The following SEC14L1 variants were observed in gnomAD, a reference collection of about 807,000 sequenced individuals.
SEC14L1 encodes the protein SEC14-like protein 1.
Under a neutral mutation model 85.3 loss-of-function variants are expected in SEC14L1, and 48 were observed. The observed-to-expected ratio is 0.56, with a 90% CI of 0.45 to 0.72. SEC14L1 has a LOEUF of 0.72. SEC14L1 is among the 30% of genes least tolerant of loss of function. The pLI is 0.00. For synonymous variants in SEC14L1, 391 were observed against 355.5 expected, an observed-to-expected ratio of 1.10 and a Z score of -1.12; for missense variants, 682 against 921.4, an observed-to-expected ratio of 0.74 and a Z score of 3.36.
intron 1 of SEC14L1, 188 bp downstream of exon 1, chr17:77,141,295 C>T (rs1358850008): frequency 2.2e-5 from 3 of 137,486 alleles, no homozygotes; most frequent in Middle Eastern, 3.5e-3. Context: ...CCCTGCTCGC[C>T]CTCCGCCCCC....
chr17:77,176,030 C>T (rs921890299), intron 3 of SEC14L1, among the ~76,000 whole-genome samples: 2 of 152,036 alleles, frequency 1.3e-5, no homozygotes, highest in African/African-American at 4.8e-5. Flanking sequence ...TGGCTCATGC[C>T]TGTAATCCCA....
At chr17:77,105,740 T>C (rs1971901186) in intron 3 of SEC14L1, among the ~76,000 whole-genome samples, 1 of 152,178 alleles carries the variant, frequency 6.6e-6, no homozygotes, top group Admixed American at 6.6e-5. Flanking sequence ...GATCTGGGGC[T>C]TGTATACCAT....
At chr17:77,171,104 G>A (rs1370551427) in intron 3 of SEC14L1, among the ~76,000 whole-genome samples, 4 of 151,598 alleles carry the variant, frequency 2.6e-5, no homozygotes, top group Non-Finnish European at 5.9e-5. Context: ...CATCTTATTT[G>A]TTGATTTATT....
intron 3 of SEC14L1, among the ~76,000 whole-genome samples, chr17:77,188,556 A>G (rs1188532141): frequency 6.6e-6 from 1 of 152,004 alleles, no homozygotes; most frequent in African/African-American, 2.4e-5. Flanking sequence ...CAGGAAGGAC[A>G]TCTCGGAGTT....
intron 3 of SEC14L1, among the ~76,000 whole-genome samples, chr17:77,145,973 G>T (rs1313532376): frequency 6.6e-6 from 1 of 152,232 alleles, no homozygotes; most frequent in African/African-American, 2.4e-5. Context: ...CAACTCTGTG[G>T]CATTTCTTGT....
chr17:77,214,550 C>T lies in SEC14L1; in HGVS notation c.*527C>T. The T allele has an allele frequency of 1.0e-6, 1 of 991,452 alleles. No individual in the cohort carries two copies. The allele number at this position is 991,452 out of a possible 1,614,324, so 61.4% of individuals were successfully genotyped here. On this transcript the variant is annotated 3_prime_UTR_variant, in exon 17 of 17. Transcript: ENST00000436233. ...TAGGGCCAGCCCTTGAGGTCCTTAT[C>T]CTCTGAGGATTCAGAGGTTGCCTGC... is the stretch of plus-strand genomic sequence containing the variant.
intron 3 of SEC14L1, among the ~76,000 whole-genome samples, chr17:77,169,020 T>C (rs1974413600): frequency 7.2e-6 from 1 of 139,402 alleles, no homozygotes; most frequent in Non-Finnish European, 1.5e-5. Context: ...TTTTTTTTTT[T>C]TTTTTTTTTT....
intron 3 of SEC14L1, among the ~76,000 whole-genome samples, chr17:77,121,358 T>C (rs1972291236): frequency 6.6e-6 from 1 of 152,298 alleles, no homozygotes; most frequent in East Asian, 1.9e-4. Flanking sequence ...GGCCATATCA[T>C]GTGCACTATC....
chr17:77,121,329 A>G (rs1362409866), intron 3 of SEC14L1, among the ~76,000 whole-genome samples: 1 of 152,200 alleles, frequency 6.6e-6, no homozygotes, highest in Non-Finnish European at 1.5e-5. Context: ...TATTTTGAAT[A>G]ATGGCCACTA....
At chr17:77,211,808 A>C in intron 14 of SEC14L1, 142 bp from the exon 15 acceptor site, 2 of 1,033,010 alleles carry the variant, frequency 1.9e-6, no homozygotes, top group Non-Finnish European at 2.8e-6. Context: ...CTCTGGGGAA[A>C]GAGATCCGTC....
At chr17:77,103,067 A>G (rs556411561) in intron 3 of SEC14L1, among the ~76,000 whole-genome samples, 3 of 152,080 alleles carry the variant, frequency 2.0e-5, no homozygotes, top group South Asian at 4.2e-4. Flanking sequence ...TCGGCCTCCT[A>G]AAGTACTGAA....
intron 2 of SEC14L1, 37 bp from the exon 3 acceptor site, chr17:77,143,530 A>T: frequency 7.6e-7 from 1 of 1,315,224 alleles, no homozygotes; most frequent in South Asian, 1.2e-5. Flanking sequence ...TTGTTTCTGC[A>T]TTGTGGTTAC....
rs1278804180 is a variant in SEC14L1 at position 77,200,657 on chromosome 17, G to T, written c.993G>T (p.Trp331Cys). The T allele has an allele frequency of 6.2e-7, 1 of 1,612,858 alleles. No individual in the cohort carries two copies. The highest frequency in any genetic ancestry group is 8.5e-7 in the Non-Finnish European group (1 of 1,179,564). ...QVLQDYYAGGWHHHDKDGRPL... is the reference protein window; with the variant it reads ...QVLQDYYAGGCHHHDKDGRPL... ...TTCAGGATTACTACGCGGGAGGCTGGCATCATCACGACAAAGGTACCGGAT... is the reference window on the plus strand; with the variant it reads ...TTCAGGATTACTACGCGGGAGGCTGTCATCATCACGACAAAGGTACCGGAT... The change falls in exon 9 of 17, where the codon TGG becomes TGT. Residue 331 changes from tryptophan to cysteine, a missense_variant. Transcript: ENST00000436233.
upstream of SEC14L1, chr17:77,140,720 G>A (rs1301832273): frequency 6.6e-6 from 1 of 150,912 alleles, no homozygotes; most frequent in East Asian, 2.0e-4. Context: ...CGAGGACCTC[G>A]GGCACATCCA....
chr17:77,181,951 G>A (rs1975058052), intron 3 of SEC14L1, among the ~76,000 whole-genome samples: 1 of 151,662 alleles, frequency 6.6e-6, no homozygotes, highest in Non-Finnish European at 1.5e-5. Flanking sequence ...ACATTTTCTT[G>A]ATATGTTGAA....
Position 77,129,876 on chromosome 17 carries a change from T to C in SEC14L1, c.-135-12770T>C, listed in dbSNP as rs137986219. 2.0e-5 allele frequency among the ~76,000 whole-genome samples: 3 copies of C among 152,296 alleles called. No homozygotes were observed. The East Asian group carries it at 5.8e-4, about 29-fold the overall frequency. ...AGTCGAGCCTCCCTCCAGCTGTTTATGACCCGCAGCTGCACAGCCAGGGGA... is the reference window on the plus strand; with the variant it reads ...AGTCGAGCCTCCCTCCAGCTGTTTACGACCCGCAGCTGCACAGCCAGGGGA... On this transcript the variant is annotated intron_variant, in intron 3 of 19. Transcript: ENST00000392476.
intron 3 of SEC14L1, among the ~76,000 whole-genome samples, chr17:77,171,524 T>C (rs1312781719): frequency 6.6e-6 from 1 of 152,186 alleles, no homozygotes; most frequent in Non-Finnish European, 1.5e-5. Context: ...GAACAACAGC[T>C]ATTTGTTCTG....
chr17:77,108,101 G>A (rs186192662), intron 3 of SEC14L1, among the ~76,000 whole-genome samples: 33 of 151,186 alleles, frequency 2.2e-4, no homozygotes, highest in South Asian at 1.0e-3. Flanking sequence ...CATACCATGC[G>A]CACGCACACA....
chr17:77,196,457 C>T, intron 8 of SEC14L1, 146 bp downstream of exon 8: 1 of 592,336 alleles, frequency 1.7e-6, no homozygotes, highest in South Asian at 2.2e-5. Flanking sequence ...GAATTTATGT[C>T]TCTGTGGAAT....
Sources: allele counts gnomAD v4.1 joint callset (sites outside exome capture counted in the v4.1 genomes callset), GRCh38; gene constraint gnomAD v4.1.1; transcripts MANE v1.5; gene names NCBI Gene and HGNC (gene_info 2026-07-23, HGNC 2026-07-21).